The following NRIP1 variants were observed in gnomAD, a reference collection of about 807,000 sequenced individuals.
NRIP1 encodes the protein nuclear receptor interacting protein 1.
A neutral mutation model predicts 75.0 loss-of-function variants in NRIP1; 28 were observed. The observed-to-expected ratio is 0.37, with a 90% CI of 0.28 to 0.51. The LOEUF is 0.51. NRIP1 is among the 20% of genes least tolerant of loss of function. The pLI is 0.92. For synonymous variants in NRIP1, 526 were observed against 487.6 expected, an observed-to-expected ratio of 1.08 and a Z score of -1.04; for missense variants, 1,435 against 1,343.7, an observed-to-expected ratio of 1.07 and a Z score of -1.06.
rs1045844717 is a variant in NRIP1 at position 14,962,128 on chromosome 21, A to C, written c.*2588T>G. On this transcript the variant is annotated 3_prime_UTR_variant, in exon 4 of 4. Coordinates refer to ENST00000318948, the MANE Select transcript of NRIP1 (RefSeq NM_003489.4). ...TGAATGCTACCTTACTGATGTCAAT[A>C]AGCTGTAGTACCCTTTCACAAATGA... 6.6e-6 allele frequency: 1 copy of C among 150,714 alleles called. No individual in the cohort carries two copies. Among genetic ancestry groups the C allele is most frequent in the Admixed American group, 6.6e-5 (1 of 15,086 alleles). The allele number at this position is 150,714 out of a possible 1,614,324, so 9.3% of individuals were successfully genotyped here. A position where few individuals can be genotyped will look rare whatever the true frequency, so the allele number is the denominator to read the frequency against.
At chr21:15,004,051 A>G (rs2087909762) in intron 3 of NRIP1, among the ~76,000 whole-genome samples, 1 of 152,146 alleles carries the variant, frequency 6.6e-6, no homozygotes, top group Non-Finnish European at 1.5e-5. Context: ...ACCTAAAAAT[A>G]TGTATCTTAA....
At chr21:15,014,870 T>A (rs1176312244) in intron 2 of NRIP1, among the ~76,000 whole-genome samples, 1 of 151,790 alleles carries the variant, frequency 6.6e-6, no homozygotes, top group Non-Finnish European at 1.5e-5. Context: ...TATATGGAAC[T>A]TTTTCAGTTT....
At chr21:15,062,956 C>T (rs1001220269) in intron 1 of NRIP1, among the ~76,000 whole-genome samples, 1 of 151,944 alleles carries the variant, frequency 6.6e-6, no homozygotes, top group African/African-American at 2.4e-5. Context: ...AACTAACTTC[C>T]CACAGGCATT....
rs1001805736 is a variant in NRIP1 at position 14,961,944 on chromosome 21, C to T, written c.*2772G>A. The T allele has an allele frequency of 6.7e-6, 1 of 150,002 alleles. No individual in the cohort carries two copies. Among genetic ancestry groups the T allele is most frequent in the African/African-American group, 2.4e-5 (1 of 40,904 alleles). 9.3% of individuals were successfully genotyped at this position (150,002 alleles called of 1,614,324 possible). A position where few individuals can be genotyped will look rare whatever the true frequency, so the allele number is the denominator to read the frequency against. ...TATGTATTTTTCATTAAGGAAATCA[C>T]TATTTACATCACCTTTAAAAACCGA... is the stretch of plus-strand genomic sequence containing the variant. On this transcript the variant is annotated 3_prime_UTR_variant, in exon 4 of 4. Transcript: ENST00000318948.
At chr21:14,974,315 C>T (rs1261690245) in intron 3 of NRIP1, 1 of 152,098 alleles carries the variant, frequency 6.6e-6, no homozygotes, top group Non-Finnish European at 1.5e-5. Context: ...TTCCAGATTT[C>T]AGGTATGTGT....
intron 2 of NRIP1, among the ~76,000 whole-genome samples, chr21:15,022,566 G>C (rs1459663288): frequency 6.6e-6 from 1 of 152,140 alleles, no homozygotes; most frequent in East Asian, 1.9e-4. Flanking sequence ...AAAAAAATGA[G>C]TCTGATGTAA....
At position 15,012,705 on chromosome 21, in the gene NRIP1, C is replaced by A. The variant is rs894038980; in HGVS notation, c.-335+1639G>T. 3.3e-5 allele frequency among the ~76,000 whole-genome samples: 5 copies of A among 152,032 alleles called. No homozygotes were observed. In the East Asian group the frequency reaches 7.7e-4, roughly 23 times the overall value. ...TGACCTCATGATCTGCCCACCTTGG[C>A]CTCCCAAAGTGCTGGGATTACAGGT... On this transcript the variant is annotated intron_variant, in intron 3 of 3. Coordinates refer to ENST00000318948, the MANE Select transcript of NRIP1 (RefSeq NM_003489.4).
intron 3 of NRIP1, among the ~76,000 whole-genome samples, chr21:14,996,444 C>T (rs1162013979): frequency 6.6e-6 from 1 of 152,172 alleles, no homozygotes; most frequent in African/African-American, 2.4e-5. Context: ...TGGCTGCCTC[C>T]TTTGCCTCCT....
chr21:14,995,681 T>C (rs1289691255), intron 3 of NRIP1, among the ~76,000 whole-genome samples: 3 of 152,186 alleles, frequency 2.0e-5, no homozygotes, highest in Non-Finnish European at 2.9e-5. Flanking sequence ...CAAATAAGAC[T>C]GAGAAACTCA....
At chr21:14,975,722 A>G (rs1232331759) in intron 3 of NRIP1, among the ~76,000 whole-genome samples, 2 of 151,316 alleles carry the variant, frequency 1.3e-5, no homozygotes, top group Non-Finnish European at 2.9e-5. Flanking sequence ...TAAAACAGTG[A>G]TGATTTCAGT....
intron 2 of NRIP1, among the ~76,000 whole-genome samples, chr21:15,019,419 T>TA (rs910027839): frequency 3.0e-5 from 3 of 101,278 alleles, no homozygotes; most frequent in African/African-American, 1.1e-4. Context: ...AAATAATTAA[T>TA]AAAAAAAAGT....
chr21:15,024,563 C>A (rs1457025774), intron 2 of NRIP1, among the ~76,000 whole-genome samples: 1 of 128,806 alleles, frequency 7.8e-6, no homozygotes, highest in African/African-American at 3.7e-5. Context: ...ACTTTGGTAT[C>A]CAGAGTGTGT....
chr21:14,988,353 C>T (rs1239565158), intron 3 of NRIP1, among the ~76,000 whole-genome samples: 1 of 152,010 alleles, frequency 6.6e-6, no homozygotes, highest in African/African-American at 2.4e-5. Flanking sequence ...CTTTCTCAAA[C>T]AAAATTTTTT....
At chr21:15,021,122 C>CA (rs2088362627) in intron 2 of NRIP1, among the ~76,000 whole-genome samples, 1 of 152,088 alleles carries the variant, frequency 6.6e-6, no homozygotes, top group African/African-American at 2.4e-5. Context: ...ATGGTGATAT[C>CA]AGCATCAATC....
chr21:15,041,184 T>G (rs927611915), intron 2 of NRIP1, among the ~76,000 whole-genome samples: 4 of 151,968 alleles, frequency 2.6e-5, no homozygotes, highest in African/African-American at 9.7e-5. Context: ...ACAAATAACA[T>G]ACACAACATG....
At chr21:15,016,362 C>T (rs1235915867) in intron 2 of NRIP1, among the ~76,000 whole-genome samples, 1 of 152,102 alleles carries the variant, frequency 6.6e-6, no homozygotes. Context: ...TACATGAGTA[C>T]TCCTATTAGA....
chr21:14,962,578 C>A lies in NRIP1; in HGVS notation c.*2138G>T, dbSNP rs1016571975. 3 of 152,384 alleles carry A rather than the reference C, an allele frequency of 2.0e-5. No homozygotes were observed. The highest frequency in any genetic ancestry group is 7.2e-5 in the African/African-American group (3 of 41,398). 9.4% of individuals were successfully genotyped at this position (152,384 alleles called of 1,614,324 possible). A position where few individuals can be genotyped will look rare whatever the true frequency, so the allele number is the denominator to read the frequency against. On this transcript the variant is annotated 3_prime_UTR_variant, in exon 4 of 4. Transcript: ENST00000318948. ...TACCTCTAAGGCTCCAAACCTTCCA[C>A]AACGATCAAGAAAAATGACTTGTTT...
intron 2 of NRIP1, among the ~76,000 whole-genome samples, chr21:15,039,216 A>T (rs1052476276): frequency 2.6e-5 from 4 of 152,140 alleles, no homozygotes; most frequent in African/African-American, 4.8e-5. Context: ...ATTGAGTGTC[A>T]ACAAGAGTAC....
At chr21:15,059,608 A>G (rs2089380990) in intron 1 of NRIP1, among the ~76,000 whole-genome samples, 1 of 152,156 alleles carries the variant, frequency 6.6e-6, no homozygotes. Flanking sequence ...CCAAAACTGC[A>G]ACATATGCTG....
Sources: gnomAD v4.1 joint callset for allele counts (sites outside exome capture counted in the v4.1 genomes callset) on GRCh38, gnomAD v4.1.1 for gene constraint, MANE v1.5 for transcripts, NCBI Gene and HGNC (gene_info 2026-07-23, HGNC 2026-07-21) for gene names.